The following ELOA variants were observed in gnomAD, a reference collection of about 807,000 sequenced individuals.
ELOA encodes elongin A.
A neutral mutation model predicts 85.2 loss-of-function variants in ELOA; 15 were observed. That is an observed-to-expected ratio of 0.18 (90% CI 0.12 to 0.27). ELOA has a LOEUF of 0.27. Among genes scored for constraint, ELOA ranks in the 10% least tolerant of loss-of-function variants. The pLI is 1.00. For missense variants in ELOA, 769 were observed against 952.7 expected, an observed-to-expected ratio of 0.81 and a Z score of 2.54; for synonymous variants, 348 against 357.2, an observed-to-expected ratio of 0.97 and a Z score of 0.29.
intron 7 of ELOA, among the ~76,000 whole-genome samples, chr1:23,754,849 T>C (rs965248674): frequency 6.6e-6 from 1 of 152,178 alleles, no homozygotes; most frequent in Non-Finnish European, 1.5e-5. Flanking sequence ...CATCAAGATT[T>C]ATCCAGAATC....
chr1:23,746,608 C>CAAAAAAAAAAAAAAAAAAAAAAAAAAAA (rs55782205), intron 1 of ELOA, among the ~76,000 whole-genome samples: 2 of 68,438 alleles, frequency 2.9e-5, no homozygotes, highest in African/African-American at 5.7e-5. Flanking sequence ...ACTCCATCTC[C>CAAAAAAAAAAAAAAAAAAAAAAAAAAAA]AAAAAAAAAA....
Position 23,752,580 on chromosome 1 carries a change from G to A in ELOA, c.1537+62G>A, listed in dbSNP as rs185714880. ...AGATTTAAAAATTCATTCAAGGCAGGGTACAGTGGCTCACACCTATAATTC... is the reference window on the plus strand; with the variant it reads ...AGATTTAAAAATTCATTCAAGGCAGAGTACAGTGGCTCACACCTATAATTC... On this transcript the variant is annotated intron_variant, in intron 5 of 10. Coordinates refer to ENST00000613537, the MANE Select transcript of ELOA (RefSeq NM_003198.3). The A allele has an allele frequency of 8.8e-5, 131 of 1,491,940 alleles. 1 individual carries two copies. In the East Asian group the frequency reaches 2.1e-3, roughly 24 times the overall value. 92.4% of individuals were successfully genotyped at this position (1,491,940 alleles called of 1,614,324 possible). A position where few individuals can be genotyped will look rare whatever the true frequency, so the allele number is the denominator to read the frequency against.
At position 23,751,263 on chromosome 1, in the gene ELOA, G is replaced by C; in HGVS notation, c.658G>C (p.Asp220His). The C allele has an allele frequency of 6.2e-7, 1 of 1,614,194 alleles. No homozygotes were observed. The highest frequency in any genetic ancestry group is 8.5e-7 in the Non-Finnish European group (1 of 1,180,046). Residue 220 changes from aspartate to histidine, a missense_variant, in exon 4 of 11, where the codon GAC (aspartate) becomes CAC (histidine). Physicochemically the swap from Asp to His is moderately conservative, Grantham distance 81 (BLOSUM62 -1). Around this residue, in one of 4 missense-constraint regions of ELOA, gnomAD observed 440 missense variants for 474.0 expected, o/e 0.93. Transcript: ENST00000613537. ...PGKGHSNAFQ[D>H]RLGASQERHL... ...GAAAGGCCACAGCAATGCCTTTCAGGACAGACTCGGGGCCAGCCAAGAACG... is the reference window on the plus strand; with the variant it reads ...GAAAGGCCACAGCAATGCCTTTCAGCACAGACTCGGGGCCAGCCAAGAACG...
At position 23,752,468 on chromosome 1, in the gene ELOA, G is replaced by A. The variant is rs372130750; in HGVS notation, c.1487G>A (p.Arg496His). 6.0e-5 allele frequency: 97 copies of A among 1,613,920 alleles called. No homozygotes were observed. Among genetic ancestry groups the A allele is most frequent in the Non-Finnish European group, 7.8e-5 (92 of 1,179,966 alleles). The change falls in exon 5 of 11, where the codon CGT becomes CAT. Residue 496 changes from arginine (R) to histidine (H), a missense_variant. Transcript: ENST00000613537. ...TTACCCGCGATACAGGCCAATTACC[G>A]TCCACTGCCTTCCCTCGAGCTGATA... is the stretch of plus-strand genomic sequence containing the variant. ...LPLPAIQANY[R>H]PLPSLELISS...
chr1:23,747,036 A>G (rs1356544310), intron 1 of ELOA, among the ~76,000 whole-genome samples: 1 of 152,178 alleles, frequency 6.6e-6, no homozygotes, highest in Non-Finnish European at 1.5e-5. Flanking sequence ...CCCAAAGTAA[A>G]GCAGAAAGAC....
intron 10 of ELOA, 106 bp from the exon 11 acceptor site, chr1:23,759,406 G>C: frequency 4.8e-6 from 5 of 1,051,606 alleles, no homozygotes. Context: ...TCTCTGCCTG[G>C]TGGTGCACAG....
At position 23,754,356 on chromosome 1, in the gene ELOA, T is replaced by C. The variant is rs1644785730; in HGVS notation, c.1694-7T>C. On this transcript the variant is annotated splice_region_variant and splice_polypyrimidine_tract_variant and intron_variant, in intron 6 of 10. Coordinates refer to ENST00000613537, the MANE Select transcript of ELOA (RefSeq NM_003198.3). ...ACTCAGTGTCTTCACCTTTGGTTTC[T>C]CTGCAGCAATCTTTGAAGTGGGAGG... 6.2e-7 allele frequency: 1 copy of C among 1,614,132 alleles called. No homozygotes were observed. The highest frequency in any genetic ancestry group is 8.5e-7 in the Non-Finnish European group (1 of 1,180,040).
At position 23,749,847 on chromosome 1, in the gene ELOA, T is replaced by G. The variant is rs776647493; in HGVS notation, c.138T>G (p.Thr46=). The G allele has an allele frequency of 1.2e-6, 2 of 1,613,712 alleles. No homozygotes were observed. The highest frequency in any genetic ancestry group is 1.1e-5 in the South Asian group (1 of 91,062). Residue 46 remains threonine (T), a synonymous_variant, in exon 3 of 11, where the codon ACT becomes ACG. Transcript: ENST00000613537. ...ATTACTTTGTCAAATTTTAGGAGAC[T>G]GGGGTTGGGAAAACAGTAAATAGCT... is the stretch of plus-strand genomic sequence containing the variant. The part of the protein sequence containing the change: ...LPITVDILAE[T]GVGKTVNSLR...
chr1:23,748,253 A>G (rs1354709574), intron 1 of ELOA, among the ~76,000 whole-genome samples: 2 of 152,200 alleles, frequency 1.3e-5, no homozygotes, highest in Non-Finnish European at 2.9e-5. Flanking sequence ...CCAAGTTCCT[A>G]TTTTGCAGAT....
intron 1 of ELOA, among the ~76,000 whole-genome samples, chr1:23,746,793 T>C (rs1333484006): frequency 6.6e-6 from 1 of 152,178 alleles, no homozygotes; most frequent in Non-Finnish European, 1.5e-5. Context: ...TATTTCTCAG[T>C]TGCCTGTTAC....
rs76386070 is a variant in ELOA at position 23,756,839 on chromosome 1, T to C, written c.2085-114T>C. 6,721 of 1,093,078 alleles carry C rather than the reference T, an allele frequency of 6.1e-3. 278 individuals carry two copies. In the African/African-American group the frequency reaches 0.095, roughly 15 times the overall value. The allele number at this position is 1,093,078 out of a possible 1,614,324, so 67.7% of individuals were successfully genotyped here. On this transcript the variant is annotated intron_variant, in intron 9 of 10. Coordinates refer to ENST00000613537, the MANE Select transcript of ELOA (RefSeq NM_003198.3). ...CCAGAATCCAGGGTGATAGGGTCCA[T>C]TGGTCAAAGCCACAAACAGGGTGAG...
chr1:23,746,583 G>T (rs1391658209), intron 1 of ELOA, among the ~76,000 whole-genome samples: 2 of 124,384 alleles, frequency 1.6e-5, no homozygotes, highest in Admixed American at 1.0e-4. Flanking sequence ...CTCCAGCCTG[G>T]ACAACAAGAG....
chr1:23,759,722 G>T lies in ELOA; in HGVS notation c.*149G>T. 3.7e-6 allele frequency: 3 copies of T among 815,258 alleles called. No homozygotes were observed. In the South Asian group the frequency reaches 5.0e-5, roughly 14 times the overall value. 50.5% of individuals were successfully genotyped at this position (815,258 alleles called of 1,614,324 possible). Reference sequence around the variant, plus strand: ...CTGCAGTCTGCAGGTGCTGCCCCTGGGAACCTGCGTGCCACAGCCCCGCCT... The same window carrying T: ...CTGCAGTCTGCAGGTGCTGCCCCTGTGAACCTGCGTGCCACAGCCCCGCCT... On this transcript the variant is annotated 3_prime_UTR_variant, in exon 11 of 11. Coordinates refer to ENST00000613537, the MANE Select transcript of ELOA (RefSeq NM_003198.3).
intron 1 of ELOA, 44 bp from the exon 2 acceptor site, chr1:23,748,977 T>A: frequency 6.6e-7 from 1 of 1,515,876 alleles, no homozygotes; most frequent in South Asian, 1.1e-5. Context: ...ATATTCTTGT[T>A]AAAGTGAATT....
At position 23,754,458 on chromosome 1, in the gene ELOA, C is replaced by T. The variant is rs1644786050; in HGVS notation, c.1789C>T (p.His597Tyr). The change falls in exon 7 of 11, where the codon CAT (histidine) becomes TAT (tyrosine). Residue 597 changes from histidine (H) to tyrosine (Y), a missense_variant and splice_region_variant. This residue lies in a region of ELOA where 193 missense variants were observed against 278.9 expected (regional missense o/e 0.69). Coordinates refer to ENST00000613537, the MANE Select transcript of ELOA (RefSeq NM_003198.3). ...GCTGTATCGCATAGAGGAATACAAT[C>T]ATGTGAGTATTCTGTTTGGGTGGGA... ...DQLYRIEEYN[H>Y]VLIEETDQLW... 1.2e-6 allele frequency: 2 copies of T among 1,613,396 alleles called. No homozygotes were observed. Among genetic ancestry groups the T allele is most frequent in the African/African-American group, 1.3e-5 (1 of 74,922 alleles).
At chr1:23,749,165 G>C (rs1223640889) in intron 2 of ELOA, 88 bp downstream of exon 2, 2 of 1,182,762 alleles carry the variant, frequency 1.7e-6, no homozygotes, top group Admixed American at 3.7e-5. Context: ...ACAAGTATGG[G>C]CTTTGGAAGT....
rs369543225 is a variant in ELOA at position 23,759,599 on chromosome 1, A to T, written c.*26A>T. On this transcript the variant is annotated 3_prime_UTR_variant, in exon 11 of 11. Transcript: ENST00000613537. ...ACTGAGGACTTGCCTTGGAAATGGA[A>T]TCTGGGGAGGCAGGAATACAAGGAC... The T allele has an allele frequency of 2.0e-5, 33 of 1,612,582 alleles. No homozygotes were observed. Among genetic ancestry groups the T allele is most frequent in the Non-Finnish European group, 2.7e-5 (32 of 1,178,710 alleles).
In ELOA at chr1:23,751,844, T is replaced by C; in HGVS notation, c.1239T>C (p.Tyr413=). ...PTMSFESYLS[Y]DQPRKKKKKI... is the part of the protein sequence containing the mutation. The stretch of plus-strand genomic sequence containing the variant: ...TGTCTTTTGAATCCTACCTCAGCTA[T>C]GACCAGCCCCGGAAGAAAAAGAAAA... Residue 413 remains tyrosine, a synonymous_variant, in exon 4 of 11, where the codon TAT becomes TAC. Coordinates refer to ENST00000613537, the MANE Select transcript of ELOA (RefSeq NM_003198.3). The C allele has an allele frequency of 6.2e-7, 1 of 1,613,972 alleles. No individual in the cohort carries two copies. Among genetic ancestry groups the C allele is most frequent in the Non-Finnish European group, 8.5e-7 (1 of 1,180,016 alleles).
At chr1:23,747,043 A>G (rs542606222) in intron 1 of ELOA, among the ~76,000 whole-genome samples, 1 of 152,342 alleles carries the variant, frequency 6.6e-6, no homozygotes, top group South Asian at 2.1e-4. Context: ...TAAAGCAGAA[A>G]GACAGGATTT....
Sources: gnomAD v4.1 joint callset for allele counts (sites outside exome capture counted in the v4.1 genomes callset) on GRCh38, gnomAD v4.1.1 for gene constraint, gnomAD v4.1.1 regional missense constraint, MANE v1.5 for transcripts, NCBI Gene and HGNC (gene_info 2026-07-23, HGNC 2026-07-21) for gene names.